Variants in ADARB2 observed in about 807,000 individuals in gnomAD.
ADARB2 encodes the protein inactive double-stranded RNA-specific editase B2.
A neutral mutation model predicts 62.2 loss-of-function variants in ADARB2; 25 were observed. The observed-to-expected ratio is 0.40, with a 90% CI of 0.29 to 0.56. The LOEUF is 0.56. Ranked by LOEUF, ADARB2 falls within the 20% of genes least tolerant of loss-of-function variation. The probability of loss-of-function intolerance (pLI) is 0.43; values close to 1 mark genes in which losing one functional copy is unlikely to be tolerated. For synonymous variants in ADARB2, 572 were observed against 500.8 expected (o/e 1.14, Z -1.90); for missense variants, 1,071 against 1,077.4 (o/e 0.99, Z 0.08).
At chr10:1,580,762 C>T (rs7074330) in intron 1 of ADARB2, among the ~76,000 whole-genome samples, 77,055 of 151,988 alleles carry the variant, frequency 0.51, 19,985 homozygotes, top group East Asian at 0.64. Context: ...TTCTGTTCCT[C>T]CCTCCTTCCC....
In ADARB2 at chr10:1,566,230, G is replaced by T. The variant is rs150412569; in HGVS notation, c.100+170821C>A. 1.5e-3 allele frequency among the ~76,000 whole-genome samples: 231 copies of T among 152,254 alleles called. 2 individuals carry two copies. Among genetic ancestry groups the T allele is most frequent in the African/African-American group, 5.4e-3 (226 of 41,554 alleles). On this transcript the variant is annotated intron_variant, in intron 1 of 9. Coordinates refer to ENST00000381312, the MANE Select transcript of ADARB2 (RefSeq NM_018702.4). ...TGTCACATACCCAGGGTTAGCAGTT[G>T]TTGGATTTGCCAGGGACAGACCCAG...
rs1294485004 is a variant in ADARB2, at chr10:1,340,675, G to A, written c.1077+22353C>T. On this transcript the variant is annotated intron_variant, in intron 3 of 9. Transcript: ENST00000381312. ...ACCGGCATCCACCAGAGAACCACGT[G>A]CCCCACAGTGGCAATAACCGGCATC... Among the ~76,000 whole-genome samples, 7 of 48,722 alleles carry A rather than the reference G, an allele frequency of 1.4e-4. 1 individual carries two copies. Among genetic ancestry groups the A allele is most frequent in the Non-Finnish European group, 1.2e-4 (3 of 25,166 alleles). The allele number at this position is 48,722 out of a possible 152,430, so 32.0% of individuals were successfully genotyped here.
Position 1,270,948 on chromosome 10 carries a change from T to C in ADARB2, c.1192+7A>G, listed in dbSNP as rs767702550. 28 of 1,612,608 alleles carry C rather than the reference T, an allele frequency of 1.7e-5. No homozygotes were observed. Among genetic ancestry groups the C allele is most frequent in the African/African-American group, 2.7e-5 (2 of 74,872 alleles). Reference sequence around the variant, plus strand: ...AAAATGCCCACAGGAAAAGAGGAGGTGGCTACCTTTGGTCATGACGATTCC... The same window carrying C: ...AAAATGCCCACAGGAAAAGAGGAGGCGGCTACCTTTGGTCATGACGATTCC... On this transcript the variant is annotated splice_region_variant and intron_variant, in intron 4 of 9. Transcript: ENST00000381312.
intron 1 of ADARB2, among the ~76,000 whole-genome samples, chr10:1,400,203 T>A (rs556515966): frequency 6.6e-6 from 1 of 152,132 alleles, no homozygotes; most frequent in Admixed American, 6.5e-5. Flanking sequence ...TGCGTCTGTC[T>A]CTCCTGCGTG....
chr10:1,423,276 T>G (rs1832866327), intron 1 of ADARB2, among the ~76,000 whole-genome samples: 1 of 152,212 alleles, frequency 6.6e-6, no homozygotes, highest in Non-Finnish European at 1.5e-5. Flanking sequence ...CTGAAATCAC[T>G]GTCCTTCTTT....
intron 1 of ADARB2, among the ~76,000 whole-genome samples, chr10:1,393,878 A>G (rs187947968): frequency 4.6e-5 from 7 of 152,348 alleles, no homozygotes; most frequent in Admixed American, 2.0e-4. Flanking sequence ...TTCACACTTC[A>G]CAAGGAGAAA....
At chr10:1,532,921 C>G (rs1250054424) in intron 1 of ADARB2, among the ~76,000 whole-genome samples, 2 of 152,096 alleles carry the variant, frequency 1.3e-5, no homozygotes, top group African/African-American at 4.8e-5. Context: ...CCTCGCCTCA[C>G]CTGCGGGCAT....
chr10:1,271,116 G>C, intron 3 of ADARB2, 47 bp from the exon 4 acceptor site: 1 of 1,512,526 alleles, frequency 6.6e-7, no homozygotes, highest in Non-Finnish European at 9.1e-7. Flanking sequence ...AGCAGGTGCC[G>C]TGGAGGATGA....
At chr10:1,619,784 G>A (rs190798420) in intron 1 of ADARB2, among the ~76,000 whole-genome samples, 7 of 152,058 alleles carry the variant, frequency 4.6e-5, no homozygotes, top group East Asian at 3.9e-4. Context: ...AACATTTTAC[G>A]AATAGATAAT....
intron 3 of ADARB2, among the ~76,000 whole-genome samples, chr10:1,324,080 T>G (rs1316700073): frequency 1.3e-5 from 2 of 152,100 alleles, no homozygotes; most frequent in African/African-American, 4.8e-5. Context: ...AAATCAGAAA[T>G]GGGCAAAAGA....
chr10:1,371,784 T>TAAAA (rs71379114), intron 2 of ADARB2, among the ~76,000 whole-genome samples: 1 of 125,814 alleles, frequency 7.9e-6, no homozygotes. Context: ...TATTAAAAAG[T>TAAAA]AAAAAAAAAA....
intron 1 of ADARB2, among the ~76,000 whole-genome samples, chr10:1,406,872 G>C (rs932746803): frequency 1.3e-5 from 2 of 152,156 alleles, no homozygotes; most frequent in Admixed American, 1.3e-4. Flanking sequence ...ATGATGAATG[G>C]GGGGAGTGGC....
intron 1 of ADARB2, among the ~76,000 whole-genome samples, chr10:1,473,619 C>G (rs183176116): frequency 6.6e-6 from 1 of 152,276 alleles, no homozygotes; most frequent in African/African-American, 2.4e-5. Context: ...TGGGCTCAAG[C>G]TATCCACCTG....
chr10:1,306,233 A>G (rs1413642623), intron 3 of ADARB2, among the ~76,000 whole-genome samples: 58 of 151,838 alleles, frequency 3.8e-4, no homozygotes, highest in African/African-American at 1.2e-3. Context: ...AAATCAATGT[A>G]CAAAAATCAC....
intron 1 of ADARB2, among the ~76,000 whole-genome samples, chr10:1,651,294 C>T (rs985795379): frequency 7.9e-5 from 12 of 152,254 alleles, no homozygotes; most frequent in African/African-American, 2.7e-4. Flanking sequence ...GTTTCTCCAT[C>T]GAGCCCTGGC....
intron 3 of ADARB2, among the ~76,000 whole-genome samples, chr10:1,362,752 C>T (rs1166458699): frequency 6.6e-6 from 1 of 152,158 alleles, no homozygotes; most frequent in Non-Finnish European, 1.5e-5. Flanking sequence ...GCACGGGGGA[C>T]CCGTCCCTCC....
At chr10:1,414,853 G>A (rs1205634744) in intron 1 of ADARB2, among the ~76,000 whole-genome samples, 2 of 152,212 alleles carry the variant, frequency 1.3e-5, no homozygotes, top group Non-Finnish European at 2.9e-5. Context: ...TGGCTAGGTG[G>A]ATGATGGGGG....
intron 1 of ADARB2, among the ~76,000 whole-genome samples, chr10:1,524,469 T>A (rs1832116009): frequency 6.6e-6 from 1 of 152,204 alleles, no homozygotes; most frequent in African/African-American, 2.4e-5. Flanking sequence ...GCATCACAAG[T>A]TCCTCCAACC....
At chr10:1,725,768 A>G (rs1404523408) in intron 1 of ADARB2, among the ~76,000 whole-genome samples, 1 of 152,248 alleles carries the variant, frequency 6.6e-6, no homozygotes, top group East Asian at 1.9e-4. Flanking sequence ...GACACAAGAC[A>G]CTAACCTTTC....
Sources: allele counts gnomAD v4.1 joint callset (sites outside exome capture counted in the v4.1 genomes callset), GRCh38; gene constraint gnomAD v4.1.1; transcripts MANE v1.5; gene names NCBI Gene and HGNC (gene_info 2026-07-23, HGNC 2026-07-21).